PTPRN2: variants seen among roughly 807,000 people sequenced by gnomAD.
PTPRN2 encodes the protein receptor-type tyrosine-protein phosphatase N2.
PTPRN2 carries 74 observed loss-of-function variants against 118.8 expected under a neutral mutation model. The observed-to-expected ratio is 0.62, with a 90% confidence interval of 0.52 to 0.76. PTPRN2 has a LOEUF of 0.76. Ranked by LOEUF, PTPRN2 falls within the 30% of genes least tolerant of loss-of-function variation. The pLI is 0.00. For synonymous variants in PTPRN2, 641 were observed against 608.0 expected, an observed-to-expected ratio of 1.05 and a Z score of -0.80; for missense variants, 1,481 against 1,394.4, an observed-to-expected ratio of 1.06 and a Z score of -0.99.
intron 2 of PTPRN2, among the ~76,000 whole-genome samples, chr7:158,365,783 ACACC>A (rs1480480746): frequency 1.4e-5 from 2 of 145,808 alleles, no homozygotes; most frequent in Admixed American, 6.8e-5. Flanking sequence ...ACACACACAC[ACACC>A]CACACACACA....
At chr7:158,333,878 CTCTCACCATAAGAGCTGACACCCGCAG>C (rs1805022719) in intron 2 of PTPRN2, among the ~76,000 whole-genome samples, 2 of 145,120 alleles carry the variant, frequency 1.4e-5, no homozygotes, top group East Asian at 2.2e-4. Context: ...CACACCCACA[CTCTCACCATAAGAGCTGACACCCGCAG>C]ACGTCACTCA....
At chr7:158,149,673 G>A (rs916466081) in intron 6 of PTPRN2, among the ~76,000 whole-genome samples, 9 of 151,994 alleles carry the variant, frequency 5.9e-5, no homozygotes, top group African/African-American at 1.2e-4. Flanking sequence ...GCGTGGTGGC[G>A]CATGCCTGTA....
chr7:158,155,011 A>G (rs1265546874), intron 6 of PTPRN2, among the ~76,000 whole-genome samples: 2 of 152,244 alleles, frequency 1.3e-5, no homozygotes, highest in Non-Finnish European at 2.9e-5. Flanking sequence ...GATAACAAGA[A>G]TATCAAAGTA....
chr7:158,141,361 C>T (rs141869368), intron 6 of PTPRN2, among the ~76,000 whole-genome samples: 28 of 152,338 alleles, frequency 1.8e-4, no homozygotes, highest in Middle Eastern at 3.4e-3. Context: ...CCGCACGTCC[C>T]GTCCTCTCTC....
intron 3 of PTPRN2, among the ~76,000 whole-genome samples, chr7:158,312,553 G>C (rs1801919713): frequency 6.7e-6 from 1 of 149,460 alleles, no homozygotes; most frequent in South Asian, 2.1e-4. Context: ...CTCCAGTGTA[G>C]ACACCCACAC....
intron 12 of PTPRN2, among the ~76,000 whole-genome samples, chr7:157,694,369 G>T (rs1247939545): frequency 1.3e-5 from 2 of 152,142 alleles, no homozygotes; most frequent in Non-Finnish European, 2.9e-5. Flanking sequence ...ATTCTGGGTG[G>T]CAGACGGTTA....
Position 158,186,057 on chromosome 7 carries a change from C to T in PTPRN2, c.549+6270G>A, listed in dbSNP as rs546448325. On this transcript the variant is annotated intron_variant, in intron 5 of 22. Coordinates refer to ENST00000389418, the MANE Select transcript of PTPRN2 (RefSeq NM_002847.5). The stretch of plus-strand genomic sequence containing the variant: ...CTAGTGCCGCATCTCACATACTCAG[C>T]GAAAGCCCACAGGAAAGAGGCGGGG... 1.8e-4 allele frequency among the ~76,000 whole-genome samples: 28 copies of T among 152,270 alleles called. No homozygotes were observed. The South Asian group carries it at 3.5e-3, about 19-fold the overall frequency.
At chr7:158,500,528 G>T (rs1044591475) in intron 1 of PTPRN2, among the ~76,000 whole-genome samples, 1 of 152,184 alleles carries the variant, frequency 6.6e-6, no homozygotes, top group Non-Finnish European at 1.5e-5. Flanking sequence ...ACAAAACCAG[G>T]CTTGGGCTCA....
At chr7:158,070,989 G>GAGGTGCTCTTAGTA (rs1811364630) in intron 11 of PTPRN2, among the ~76,000 whole-genome samples, 1 of 120,170 alleles carries the variant, frequency 8.3e-6, no homozygotes, top group Admixed American at 7.7e-5. Context: ...GCCCGTGGTG[G>GAGGTGCTCTTAGTA]TGGAGGTGCT....
chr7:158,446,852 C>A (rs1817758319), intron 2 of PTPRN2, among the ~76,000 whole-genome samples: 1 of 152,336 alleles, frequency 6.6e-6, no homozygotes, highest in South Asian at 2.1e-4. Flanking sequence ...CATCCGGAAC[C>A]CACCTCAAAT....
At chr7:157,877,192 G>C (rs906401112) in intron 12 of PTPRN2, among the ~76,000 whole-genome samples, 2 of 147,218 alleles carry the variant, frequency 1.4e-5, no homozygotes, top group Non-Finnish European at 3.0e-5. Flanking sequence ...TTTCCTCGGG[G>C]ACCCCGGGTC....
chr7:157,912,702 C>A (rs1476389247), intron 11 of PTPRN2, among the ~76,000 whole-genome samples: 1 of 152,130 alleles, frequency 6.6e-6, no homozygotes, highest in Non-Finnish European at 1.5e-5. Flanking sequence ...GAGGTCATTT[C>A]ATTTTTTTCT....
At chr7:157,633,046 T>C (rs1173464057) in intron 14 of PTPRN2, among the ~76,000 whole-genome samples, 7 of 152,172 alleles carry the variant, frequency 4.6e-5, no homozygotes, top group Admixed American at 3.9e-4. Context: ...ATTAAGCACG[T>C]CCTATAAGCC....
At chr7:157,733,568 T>G (rs1365510528) in intron 12 of PTPRN2, among the ~76,000 whole-genome samples, 2 of 18,170 alleles carry the variant, frequency 1.1e-4, no homozygotes, top group South Asian at 2.0e-3. Flanking sequence ...TGCCGTCCCA[T>G]GCGCCCAGCA....
At chr7:157,934,902 G>A (rs1333359247) in intron 11 of PTPRN2, among the ~76,000 whole-genome samples, 1 of 152,186 alleles carries the variant, frequency 6.6e-6, no homozygotes, top group Non-Finnish European at 1.5e-5. Flanking sequence ...TCACCCTTAT[G>A]CTGAAACATG....
intron 3 of PTPRN2, among the ~76,000 whole-genome samples, chr7:158,282,558 G>A (rs1052439481): frequency 2.0e-5 from 3 of 152,242 alleles, no homozygotes; most frequent in African/African-American, 4.8e-5. Context: ...ACTCTGCAGG[G>A]CATGTTGAGT....
In PTPRN2 at chr7:158,386,998, G is replaced by A. The variant is rs113849386; in HGVS notation, c.164-70066C>T. ...CACAGGGGTGGGCTGAGGATGGGGG[G>A]ACTGTGGCTTCTCACCCTCTGGGAT... On this transcript the variant is annotated intron_variant, in intron 2 of 22. Coordinates refer to ENST00000389418, the MANE Select transcript of PTPRN2 (RefSeq NM_002847.5). 2.4e-3 allele frequency among the ~76,000 whole-genome samples: 366 copies of A among 152,282 alleles called. 1 individual carries two copies. The highest frequency in any genetic ancestry group is 8.2e-3 in the African/African-American group (341 of 41,570).
intron 6 of PTPRN2, among the ~76,000 whole-genome samples, chr7:158,153,294 C>T (rs932469319): frequency 2.0e-5 from 3 of 152,212 alleles, no homozygotes; most frequent in African/African-American, 7.2e-5. Flanking sequence ...CTGATTCTTC[C>T]AGTACACTAA....
intron 11 of PTPRN2, among the ~76,000 whole-genome samples, chr7:158,066,000 C>T (rs1298545115): frequency 6.6e-6 from 1 of 152,228 alleles, no homozygotes; most frequent in Non-Finnish European, 1.5e-5. Flanking sequence ...TCTCTAACCT[C>T]ACACAGGGAC....
Sources: gnomAD v4.1 joint callset for allele counts (sites outside exome capture counted in the v4.1 genomes callset) on GRCh38, gnomAD v4.1.1 for gene constraint, MANE v1.5 for transcripts, NCBI Gene and HGNC (gene_info 2026-07-23, HGNC 2026-07-21) for gene names.